Variants in CTNND2 observed in about 807,000 individuals in gnomAD.
CTNND2 encodes the protein catenin delta 2.
In CTNND2, 22 loss-of-function variants were observed where a neutral mutation model predicts 144.4. The ratio of observed to expected loss-of-function variants is 0.15; its 90% CI spans 0.11 to 0.22. CTNND2 has a LOEUF of 0.22. Among genes scored for constraint, CTNND2 ranks in the 10% least tolerant of loss-of-function variants. The pLI is 1.00. For missense variants in CTNND2, 1,353 were observed against 1,618.8 expected (o/e 0.84, Z 2.82); for synonymous variants, 751 against 695.6 (o/e 1.08, Z -1.25).
chr5:11,780,828 C>T (rs1275869703), intron 1 of CTNND2, among the ~76,000 whole-genome samples: 1 of 152,222 alleles, frequency 6.6e-6, no homozygotes, highest in African/African-American at 2.4e-5. Flanking sequence ...GCCAGCCAGC[C>T]CTGGGGGAAA....
chr5:11,164,820 C>A (rs983839998), intron 11 of CTNND2, among the ~76,000 whole-genome samples: 7 of 152,156 alleles, frequency 4.6e-5, no homozygotes, highest in Non-Finnish European at 8.8e-5. Context: ...TCAGCAGAAA[C>A]CTCAACACTA....
At chr5:11,392,036 G>A (rs574987411) in intron 6 of CTNND2, among the ~76,000 whole-genome samples, 1 of 152,252 alleles carries the variant, frequency 6.6e-6, no homozygotes, top group East Asian at 1.9e-4. Context: ...CTGCCCAATG[G>A]TCCCAAAATT....
chr5:11,142,517 T>G (rs1756832172), intron 12 of CTNND2, among the ~76,000 whole-genome samples: 2 of 152,206 alleles, frequency 1.3e-5, no homozygotes, highest in African/African-American at 4.8e-5. Flanking sequence ...CAGGTCCTCA[T>G]TTTTATAGTT....
At chr5:11,441,006 GAC>G (rs1190557465) in intron 3 of CTNND2, among the ~76,000 whole-genome samples, 4 of 152,126 alleles carry the variant, frequency 2.6e-5, no homozygotes, top group Non-Finnish European at 4.4e-5. Context: ...GTTGCAGAAA[GAC>G]AGAGTTTTGG....
intron 2 of CTNND2, among the ~76,000 whole-genome samples, chr5:11,622,945 C>T (rs1464080724): frequency 6.6e-6 from 1 of 152,142 alleles, no homozygotes; most frequent in Non-Finnish European, 1.5e-5. Context: ...TTTTAGTCTA[C>T]TATGACTATA....
At chr5:10,992,719 G>A in intron 18 of CTNND2, 42 bp from the exon 19 acceptor site, 2 of 1,596,676 alleles carry the variant, frequency 1.3e-6, no homozygotes, top group Non-Finnish European at 1.7e-6. Flanking sequence ...GCAAGACAGA[G>A]TGATTTTTCA....
intron 2 of CTNND2, among the ~76,000 whole-genome samples, chr5:11,652,122 T>C (rs2126539079): frequency 6.6e-6 from 1 of 152,246 alleles, no homozygotes; most frequent in Non-Finnish European, 1.5e-5. Flanking sequence ...TAATCCCCAA[T>C]GTTGGAGGTG....
At chr5:11,604,471 C>A (rs1561612102) in intron 2 of CTNND2, among the ~76,000 whole-genome samples, 1 of 152,208 alleles carries the variant, frequency 6.6e-6, no homozygotes, top group Admixed American at 6.5e-5. Context: ...AGCCCCGAAG[C>A]TGATGTCTTG....
At position 11,589,283 on chromosome 5, in the gene CTNND2, A is replaced by ACACG. The variant is rs1491269046; in HGVS notation, c.175-24228_175-24227insCGTG. 2.6e-4 allele frequency among the ~76,000 whole-genome samples: 8 copies of ACACG among 30,484 alleles called. No individual in the cohort carries two copies. In the East Asian group the frequency reaches 4.6e-3, roughly 17 times the overall value. The allele number at this position is 30,484 out of a possible 152,430, so 20.0% of individuals were successfully genotyped here. A position where few individuals can be genotyped will look rare whatever the true frequency, so the allele number is the denominator to read the frequency against. ...TAGCTATCTGTATGTTAACATTAAAACACACACACACACACACACACACAC... is the reference window on the plus strand; with the variant it reads ...TAGCTATCTGTATGTTAACATTAAAACACGCACACACACACACACACACACACAC... On this transcript the variant is annotated intron_variant, in intron 2 of 21. Coordinates refer to ENST00000304623, the MANE Select transcript of CTNND2 (RefSeq NM_001332.4).
At chr5:11,840,024 T>C (rs533424705) in intron 1 of CTNND2, among the ~76,000 whole-genome samples, 28 of 152,286 alleles carry the variant, frequency 1.8e-4, no homozygotes, top group South Asian at 4.1e-4. Flanking sequence ...TTTTAAATAA[T>C]CTGAAAGTTA....
chr5:11,256,318 G>T (rs774662898), intron 9 of CTNND2, among the ~76,000 whole-genome samples: 1 of 152,068 alleles, frequency 6.6e-6, no homozygotes, highest in African/African-American at 2.4e-5. Context: ...AAAAAATACT[G>T]TCTGGTTTTT....
At chr5:11,824,767 T>A (rs890274845) in intron 1 of CTNND2, among the ~76,000 whole-genome samples, 9 of 152,154 alleles carry the variant, frequency 5.9e-5, no homozygotes, top group Non-Finnish European at 1.2e-4. Flanking sequence ...CACAACACTT[T>A]ACTTCTGAGG....
intron 3 of CTNND2, among the ~76,000 whole-genome samples, chr5:11,499,540 C>T (rs530767350): frequency 8.5e-5 from 13 of 152,344 alleles, no homozygotes; most frequent in Non-Finnish European, 1.6e-4. Context: ...AACTATCCTT[C>T]GTTTTTGGCT....
chr5:11,578,669 G>GAATAAATA (rs57654816), intron 2 of CTNND2, among the ~76,000 whole-genome samples: 29,336 of 145,732 alleles, frequency 0.2, 3,243 homozygotes, highest in Middle Eastern at 0.23. Flanking sequence ...ACAAATACAT[G>GAATAAATA]AATAAATAAA....
intron 1 of CTNND2, among the ~76,000 whole-genome samples, chr5:11,740,720 T>C (rs1460131965): frequency 6.6e-6 from 1 of 152,038 alleles, no homozygotes; most frequent in Admixed American, 6.6e-5. Flanking sequence ...AGCTTATGCA[T>C]AGCAAAAGAA....
chr5:11,231,072 C>T (rs181175008), intron 10 of CTNND2, among the ~76,000 whole-genome samples: 4 of 152,214 alleles, frequency 2.6e-5, no homozygotes, highest in East Asian at 1.9e-4. Flanking sequence ...ATGGTGTTCT[C>T]GTGATAATGA....
intron 16 of CTNND2, among the ~76,000 whole-genome samples, chr5:11,063,170 T>C (rs1340638175): frequency 2.6e-5 from 4 of 152,136 alleles, no homozygotes; most frequent in Non-Finnish European, 5.9e-5. Flanking sequence ...CTCTTTACCT[T>C]ATATATATGA....
intron 10 of CTNND2, among the ~76,000 whole-genome samples, chr5:11,235,900 T>C (rs974260309): frequency 6.6e-6 from 1 of 152,224 alleles, no homozygotes; most frequent in Non-Finnish European, 1.5e-5. Flanking sequence ...CTTAAACTAA[T>C]TTAGACTCAT....
In CTNND2 at chr5:11,714,733, C is replaced by T. The variant is rs146113355; in HGVS notation, c.174+17403G>A. Among the ~76,000 whole-genome samples, 204 of 151,752 alleles carry T rather than the reference C, an allele frequency of 1.3e-3. 1 individual carries two copies. The highest frequency in any genetic ancestry group is 4.6e-3 in the African/African-American group (190 of 41,386). ...TATCCTGGCTAACACAGTGAAACCC[C>T]GTCTCTACTAAAAATACAAAAAAAA... On this transcript the variant is annotated intron_variant, in intron 2 of 21. Transcript: ENST00000304623.
Sources: gnomAD v4.1 joint callset for allele counts (sites outside exome capture counted in the v4.1 genomes callset) on GRCh38, gnomAD v4.1.1 for gene constraint, MANE v1.5 for transcripts, NCBI Gene and HGNC (gene_info 2026-07-23, HGNC 2026-07-21) for gene names.